ST3GAL1: variants seen among roughly 807,000 people sequenced by gnomAD.
The protein encoded by ST3GAL1 is CMP-N-acetylneuraminate-beta-galactosamide-alpha-2,3-sialyltransferase 1.
In ST3GAL1, 16 loss-of-function variants were observed where a neutral mutation model predicts 34.1. The observed-to-expected ratio is 0.47, with a 90% CI of 0.32 to 0.71. The LOEUF (loss-of-function observed/expected upper bound fraction) is 0.71, where lower values mean the gene tolerates loss of function less well. ST3GAL1 is among the 30% of genes least tolerant of loss of function. The pLI, the probability that ST3GAL1 is intolerant of heterozygous loss-of-function variation, is 0.04. For synonymous variants in ST3GAL1, 191 were observed against 184.7 expected (o/e 1.03, Z -0.28); for missense variants, 353 against 447.4 (o/e 0.79, Z 1.90).
intron 2 of ST3GAL1, among the ~76,000 whole-genome samples, chr8:133,511,041 G>T (rs577336010): frequency 6.6e-6 from 1 of 152,302 alleles, no homozygotes; most frequent in East Asian, 1.9e-4. Context: ...AGAGGGCAAA[G>T]AAATGAAAAC....
intron 2 of ST3GAL1, among the ~76,000 whole-genome samples, chr8:133,503,655 A>T (rs1351488813): frequency 6.6e-6 from 1 of 152,162 alleles, no homozygotes; most frequent in Non-Finnish European, 1.5e-5. Context: ...TACAAATGGC[A>T]AGTACGTCGC....
At chr8:133,552,767 A>T (rs1315397418) in intron 1 of ST3GAL1, among the ~76,000 whole-genome samples, 1 of 152,206 alleles carries the variant, frequency 6.6e-6, no homozygotes, top group African/African-American at 2.4e-5. Context: ...CTGAATTTGA[A>T]GGCTAACCAC....
intron 1 of ST3GAL1, 44 bp from the exon 2 acceptor site, chr8:133,545,970 A>T (rs372233147): frequency 4.6e-5 from 7 of 152,252 alleles, no homozygotes; most frequent in African/African-American, 1.7e-4. Context: ...TTTGACAATT[A>T]GTCCATCCTC....
At chr8:133,514,393 A>G (rs1251183855) in intron 2 of ST3GAL1, among the ~76,000 whole-genome samples, 2 of 152,110 alleles carry the variant, frequency 1.3e-5, no homozygotes, top group African/African-American at 2.4e-5. Flanking sequence ...GCTCCCCGTC[A>G]TATCTCCAGC....
At chr8:133,545,393 G>GT (rs1193453275) in intron 2 of ST3GAL1, among the ~76,000 whole-genome samples, 1 of 152,230 alleles carries the variant, frequency 6.6e-6, no homozygotes, top group African/African-American at 2.4e-5. Context: ...GTAGGCCACA[G>GT]TTTGCTGATG....
chr8:133,485,620 C>T (rs1211896611), intron 3 of ST3GAL1, among the ~76,000 whole-genome samples: 2 of 152,128 alleles, frequency 1.3e-5, no homozygotes, highest in Non-Finnish European at 1.5e-5. Flanking sequence ...GAAAAGTGCA[C>T]CAGGGCTAAA....
At position 133,527,967 on chromosome 8, in the gene ST3GAL1, T is replaced by C. The variant is rs528404985; in HGVS notation, c.-429+17807A>G. 3.3e-5 allele frequency among the ~76,000 whole-genome samples: 5 copies of C among 151,396 alleles called. No individual in the cohort carries two copies. In the East Asian group the frequency reaches 9.8e-4, roughly 30 times the overall value. ...AAGTGGGCAGATCGAAGTCAAGAGATTGAGAGTATCCTGGCCAACATGGTG... is the reference window on the plus strand; with the variant it reads ...AAGTGGGCAGATCGAAGTCAAGAGACTGAGAGTATCCTGGCCAACATGGTG... On this transcript the variant is annotated intron_variant, in intron 2 of 9. Coordinates refer to ENST00000522652, the MANE Select transcript of ST3GAL1 (RefSeq NM_173344.3).
chr8:133,538,957 A>G (rs1327716701), intron 2 of ST3GAL1, among the ~76,000 whole-genome samples: 2 of 152,106 alleles, frequency 1.3e-5, no homozygotes, highest in African/African-American at 4.8e-5. Flanking sequence ...GGGTTTCATC[A>G]TCCGTAAAAA....
intron 2 of ST3GAL1, among the ~76,000 whole-genome samples, chr8:133,531,864 G>A (rs1563730004): frequency 6.7e-6 from 1 of 149,096 alleles, no homozygotes; most frequent in African/African-American, 2.5e-5. Flanking sequence ...ACTGTACTGC[G>A]GTTCGTAAAA....
At chr8:133,541,122 G>T (rs199844932) in intron 2 of ST3GAL1, among the ~76,000 whole-genome samples, 1,827 of 84,880 alleles carry the variant, frequency 0.022, 81 homozygotes, top group East Asian at 0.065. Flanking sequence ...TATATATATA[G>T]AGAGAGAGAG....
rs1815345999 is a variant in ST3GAL1 at position 133,457,558 on chromosome 8, C to G, written c.*2206G>C. ...TTCTGAATGATGACTCAGTGATTTA[C>G]CAGCCTTTCTCAGAAAAAAGAAAAG... On this transcript the variant is annotated 3_prime_UTR_variant, in exon 10 of 10. Transcript: ENST00000522652. The G allele has an allele frequency of 6.6e-6, 1 of 152,178 alleles. No homozygotes were observed. Among genetic ancestry groups the G allele is most frequent in the African/African-American group, 2.4e-5 (1 of 41,438 alleles). The allele number at this position is 152,178 out of a possible 1,614,324, so 9.4% of individuals were successfully genotyped here.
intron 2 of ST3GAL1, among the ~76,000 whole-genome samples, chr8:133,507,398 G>A (rs898550650): frequency 5.9e-5 from 9 of 152,262 alleles, no homozygotes; most frequent in African/African-American, 2.2e-4. Context: ...GGCGATGGTA[G>A]GGAAGAGCAT....
At chr8:133,463,572 C>T (rs1815596660) in intron 7 of ST3GAL1, 113 bp from the exon 8 acceptor site, 2 of 1,173,644 alleles carry the variant, frequency 1.7e-6, no homozygotes, top group Admixed American at 2.0e-5. Context: ...GCCTCTCCTG[C>T]CCCCCATAGC....
chr8:133,474,792 G>A (rs1170928337), intron 5 of ST3GAL1, among the ~76,000 whole-genome samples: 2 of 152,118 alleles, frequency 1.3e-5, no homozygotes, highest in African/African-American at 4.8e-5. Flanking sequence ...GACCTCCCTG[G>A]TGACCCCATT....
chr8:133,463,344 C>T (rs375387859), intron 8 of ST3GAL1, 70 bp downstream of exon 8: 201 of 1,575,550 alleles, frequency 1.3e-4, no homozygotes, highest in East Asian at 9.6e-4. Flanking sequence ...AACTCAATGC[C>T]GTACCTTAGA....
chr8:133,526,445 C>T (rs1817976784), intron 2 of ST3GAL1, among the ~76,000 whole-genome samples: 3 of 152,146 alleles, frequency 2.0e-5, no homozygotes, highest in Admixed American at 2.0e-4. Context: ...AGGGTTTTGT[C>T]TAATCAAATA....
At chr8:133,561,815 A>T (rs1363310477) in intron 1 of ST3GAL1, among the ~76,000 whole-genome samples, 3 of 152,126 alleles carry the variant, frequency 2.0e-5, no homozygotes, top group Admixed American at 1.3e-4. Context: ...AAGTCAACTC[A>T]CTGTGCTGTG....
chr8:133,472,866 A>AAAC (rs1816022777), intron 5 of ST3GAL1, among the ~76,000 whole-genome samples: 1 of 152,136 alleles, frequency 6.6e-6, no homozygotes, highest in African/African-American at 2.4e-5. Context: ...AAAAAAAAAA[A>AAAC]AAACCCACCT....
rs1237601884 is a variant in ST3GAL1 at position 133,455,705 on chromosome 8, C to T, written c.*4059G>A. 6.6e-6 allele frequency: 1 copy of T among 152,420 alleles called. No homozygotes were observed. The highest frequency in any genetic ancestry group is 1.9e-4 in the East Asian group (1 of 5,180). The allele number at this position is 152,420 out of a possible 1,614,324, so 9.4% of individuals were successfully genotyped here. A position where few individuals can be genotyped will look rare whatever the true frequency, so the allele number is the denominator to read the frequency against. ...GTTCCTGATGGTGCATGGCTGGTGT[C>T]CAGTCATCTTTAGCTGGGCAGTGGC... On this transcript the variant is annotated 3_prime_UTR_variant, in exon 10 of 10. Coordinates refer to ENST00000522652, the MANE Select transcript of ST3GAL1 (RefSeq NM_173344.3).
Sources: allele counts gnomAD v4.1 joint callset (sites outside exome capture counted in the v4.1 genomes callset), GRCh38; gene constraint gnomAD v4.1.1; transcripts MANE v1.5; gene names NCBI Gene and HGNC (gene_info 2026-07-23, HGNC 2026-07-21).